Variants in SH3BP5 observed in about 807,000 individuals in gnomAD.
The protein encoded by SH3BP5 is SH3 domain-binding protein 5.
SH3BP5 carries 22 observed loss-of-function variants against 43.3 expected under a neutral mutation model. The observed-to-expected ratio is 0.51, with a 90% CI of 0.36 to 0.73. The LOEUF is 0.73. SH3BP5 is among the 30% of genes least tolerant of loss of function. The pLI, the probability that SH3BP5 is intolerant of heterozygous loss-of-function variation, is 0.00. For missense variants in SH3BP5, 529 were observed against 586.9 expected (o/e 0.90, Z 1.02); for synonymous variants, 255 against 225.8 (o/e 1.13, Z -1.16).
At chr3:15,322,828 C>A (rs935438308) in intron 2 of SH3BP5, among the ~76,000 whole-genome samples, 1 of 151,454 alleles carries the variant, frequency 6.6e-6, no homozygotes, top group African/African-American at 2.4e-5. Flanking sequence ...GAGACCAACA[C>A]TGTCTCAGGA....
rs377650516 is a variant in SH3BP5, at chr3:15,309,811, A to G, written c.202-5580T>C. 1.1e-3 allele frequency among the ~76,000 whole-genome samples: 175 copies of G among 152,244 alleles called. 1 individual carries two copies. Among genetic ancestry groups the G allele is most frequent in the African/African-American group, 4.0e-3 (165 of 41,538 alleles). The stretch of plus-strand genomic sequence containing the variant: ...CTTCTATAAATGAGGCTGTGCTGCC[A>G]GGAATGATGCATGACTGGCTGACTT... On this transcript the variant is annotated intron_variant, in intron 2 of 8. Transcript: ENST00000383791.
At chr3:15,331,622 G>T (rs1046491063) in intron 1 of SH3BP5, among the ~76,000 whole-genome samples, 5 of 152,150 alleles carry the variant, frequency 3.3e-5, no homozygotes, top group Non-Finnish European at 5.9e-5. Flanking sequence ...TCAGCTTTGC[G>T]CATCAGTTGT....
At chr3:15,338,739 C>A (rs969120530) in intron 1 of SH3BP5, among the ~76,000 whole-genome samples, 2 of 151,686 alleles carry the variant, frequency 1.3e-5, no homozygotes, top group East Asian at 1.9e-4. Flanking sequence ...AAAAAAAAAA[C>A]CTAAACATGA....
At chr3:15,336,163 C>T (rs74491656), upstream of SH3BP5, among the ~76,000 whole-genome samples, 21,629 of 152,018 alleles carry the variant, frequency 0.14, 1,815 homozygotes, top group East Asian at 0.33. Context: ...AATGAGAAAG[C>T]GTACCACATA....
Position 15,306,517 on chromosome 3 carries a change from CAAAAG to C in SH3BP5, c.202-2291_202-2287del, listed in dbSNP as rs139109277. Among the ~76,000 whole-genome samples the C allele has an allele frequency of 7.8e-3, 1,188 of 151,548 alleles. 11 individuals carry two copies. The highest frequency in any genetic ancestry group is 0.014 in the Middle Eastern group (4 of 294). ...ACCCTGCCCTGTCTCAAAACAAAAA[CAAAAG>C]AAAAGAAAAGAAAAGAAAGGGGAAG... On this transcript the variant is annotated intron_variant, in intron 2 of 8. Coordinates refer to ENST00000383791, the MANE Select transcript of SH3BP5 (RefSeq NM_004844.5).
At chr3:15,256,598 T>TG in intron 8 of SH3BP5, 1 of 593,962 alleles carries the variant, frequency 1.7e-6, no homozygotes, top group Non-Finnish European at 3.0e-6. Context: ...CTCTCTACTA[T>TG]GTGCTTGCCA....
Position 15,272,553 on chromosome 3 carries a change from T to C in SH3BP5, c.331-2676A>G, listed in dbSNP as rs149827010. Among the ~76,000 whole-genome samples the C allele has an allele frequency of 9.7e-3, 972 of 100,202 alleles. 27 individuals are homozygous for C. The highest frequency in any genetic ancestry group is 0.046 in the East Asian group (125 of 2,692). 65.7% of individuals were successfully genotyped at this position (100,202 alleles called of 152,430 possible). ...TAAAGACATTACAAAACAGAGTGCC[T>C]GTAGGATAAAGACATTACAAAACAG... is the stretch of plus-strand genomic sequence containing the variant. On this transcript the variant is annotated intron_variant, in intron 3 of 8. Coordinates refer to ENST00000383791, the MANE Select transcript of SH3BP5 (RefSeq NM_004844.5).
intron 2 of SH3BP5, among the ~76,000 whole-genome samples, chr3:15,321,896 T>C (rs965331813): frequency 6.6e-6 from 1 of 152,222 alleles, no homozygotes; most frequent in Non-Finnish European, 1.5e-5. Context: ...TCACATTCTT[T>C]GGCCCACACA....
chr3:15,332,595 C>T, upstream of SH3BP5: 1 of 1,199,082 alleles, frequency 8.3e-7, no homozygotes, highest in Non-Finnish European at 1.0e-6. Context: ...AGGAAATGGG[C>T]GCGGCCGCCC....
chr3:15,334,178 T>C (rs142477056), upstream of SH3BP5, among the ~76,000 whole-genome samples: 34 of 152,334 alleles, frequency 2.2e-4, no homozygotes, highest in East Asian at 6.5e-3. Flanking sequence ...GCAAAATACA[T>C]CTATGAGACA....
chr3:15,283,494 C>A (rs190350432), intron 3 of SH3BP5, among the ~76,000 whole-genome samples: 109 of 152,310 alleles, frequency 7.2e-4, no homozygotes, highest in African/African-American at 2.5e-3. Flanking sequence ...CTGAGCTGCT[C>A]ATGGTCCCTT....
upstream of SH3BP5, among the ~76,000 whole-genome samples, chr3:15,337,296 G>A (rs1698712859): frequency 6.6e-6 from 1 of 151,836 alleles, no homozygotes; most frequent in Non-Finnish European, 1.5e-5. Flanking sequence ...TGTTGGCCAG[G>A]CTGGTCTTGA....
intron 2 of SH3BP5, among the ~76,000 whole-genome samples, chr3:15,317,880 G>A (rs1698223187): frequency 6.6e-6 from 1 of 152,186 alleles, no homozygotes; most frequent in Non-Finnish European, 1.5e-5. Flanking sequence ...TAATATCAGG[G>A]CAAAGATTGA....
rs528628971 is a variant in SH3BP5, at chr3:15,255,833, G to A, written c.*253C>T. The A allele has an allele frequency of 5.6e-5, 24 of 427,320 alleles. No homozygotes were observed. The highest frequency in any genetic ancestry group is 2.2e-4 in the African/African-American group (11 of 50,440). The allele number at this position is 427,320 out of a possible 1,614,324, so 26.5% of individuals were successfully genotyped here. On this transcript the variant is annotated 3_prime_UTR_variant, in exon 9 of 9. Coordinates refer to ENST00000383791, the MANE Select transcript of SH3BP5 (RefSeq NM_004844.5). ...AACTAGTTATTGCTTCCACAATGCC[G>A]TTATACGGAATGTTCCACAAAGGCT...
chr3:15,333,183 A>G, upstream of SH3BP5: 1 of 985,460 alleles, frequency 1.0e-6, no homozygotes, highest in Non-Finnish European at 1.2e-6. Context: ...CCAAGAATTT[A>G]TGAATTAGTG....
intron 3 of SH3BP5, among the ~76,000 whole-genome samples, chr3:15,276,383 A>C (rs527775672): frequency 6.6e-6 from 1 of 152,318 alleles, no homozygotes; most frequent in East Asian, 1.9e-4. Flanking sequence ...GTGGCCCCCC[A>C]GAGCCAGGAA....
chr3:15,277,694 C>T (rs1697010531), intron 3 of SH3BP5, among the ~76,000 whole-genome samples: 1 of 152,058 alleles, frequency 6.6e-6, no homozygotes, highest in African/African-American at 2.4e-5. Context: ...AAAATTTCCC[C>T]ACCTAGAGGC....
chr3:15,269,036 T>C (rs1388198635), intron 4 of SH3BP5, among the ~76,000 whole-genome samples: 2 of 152,202 alleles, frequency 1.3e-5, no homozygotes, highest in Non-Finnish European at 2.9e-5. Context: ...TTATGGTATT[T>C]TGTTTAGTAT....
intron 2 of SH3BP5, among the ~76,000 whole-genome samples, chr3:15,329,158 A>G (rs1698538552): frequency 6.6e-6 from 1 of 152,096 alleles, no homozygotes; most frequent in Non-Finnish European, 1.5e-5. Flanking sequence ...TCAAAAAAAA[A>G]AAAATTTTAA....
Sources: allele counts gnomAD v4.1 joint callset (sites outside exome capture counted in the v4.1 genomes callset), GRCh38; gene constraint gnomAD v4.1.1; transcripts MANE v1.5; gene names NCBI Gene and HGNC (gene_info 2026-07-23, HGNC 2026-07-21).